PCDHA2: variants seen among roughly 807,000 people sequenced by gnomAD.
PCDHA2 encodes protocadherin alpha 2, also known as protocadherin alpha-2.
PCDHA2 carries 58 observed loss-of-function variants against 66.0 expected under a neutral mutation model. The ratio of observed to expected loss-of-function variants is 0.88; its 90% CI spans 0.71 to 1.09. The LOEUF is 1.09. Among genes scored for constraint, PCDHA2 ranks in the 50% least tolerant of loss-of-function variants. The pLI, the probability that PCDHA2 is intolerant of heterozygous loss-of-function variation, is 0.00. For missense variants in PCDHA2, 1,267 were observed against 1,242.3 expected (o/e 1.02, Z -0.30); for synonymous variants, 634 against 554.0 (o/e 1.14, Z -2.03).
intron 1 of PCDHA2, among the ~76,000 whole-genome samples, chr5:140,939,692 A>T (rs2092437980): frequency 6.6e-6 from 1 of 152,222 alleles, no homozygotes; most frequent in African/African-American, 2.4e-5. Context: ...GTGTTGCTGG[A>T]CATTATCATT....
rs2150126846 is a variant in PCDHA2, at chr5:140,823,554, G to A, written c.2388+26202G>A. The stretch of plus-strand genomic sequence containing the variant: ...GTGCGGGCCACGTGGTGGCGAAGGT[G>A]CGCGCAGTGGACCCTGATTCGGGCT... On this transcript the variant is annotated intron_variant, in intron 1 of 3. Coordinates refer to ENST00000526136, the MANE Select transcript of PCDHA2 (RefSeq NM_018905.3). 17,400 of 1,613,832 alleles carry A rather than the reference G, an allele frequency of 0.011. 1,609 individuals are homozygous for A. The African/African-American group carries it at 0.2, about 19-fold the overall frequency.
At chr5:140,801,985 C>T (rs994082843) in intron 1 of PCDHA2, 20 of 1,614,050 alleles carry the variant, frequency 1.2e-5, no homozygotes, top group Admixed American at 6.7e-5. Flanking sequence ...CTAGTGGTGA[C>T]CGTTAACGCC....
chr5:141,001,245 C>G (rs1554258043), intron 3 of PCDHA2, among the ~76,000 whole-genome samples: 2 of 152,082 alleles, frequency 1.3e-5, no homozygotes, highest in Non-Finnish European at 2.9e-5. Context: ...TAAATCAACC[C>G]TATGGGGCGG....
Position 140,848,412 on chromosome 5 carries a change from A to G in PCDHA2, c.2388+51060A>G. ...CTCTGTGCTGAACGATGGCGAACAC[A>G]GCAGAATGGGACTGACGAAATCAGA... On this transcript the variant is annotated intron_variant, in intron 1 of 3. Coordinates refer to ENST00000526136, the MANE Select transcript of PCDHA2 (RefSeq NM_018905.3). 2 of 1,379,818 alleles carry G rather than the reference A, an allele frequency of 1.4e-6. 1 individual carries two copies. Among genetic ancestry groups the G allele is most frequent in the Non-Finnish European group, 2.0e-6 (2 of 1,001,964 alleles). 85.5% of individuals were successfully genotyped at this position (1,379,818 alleles called of 1,614,324 possible).
At chr5:140,967,102 G>A (rs1279026258) in intron 1 of PCDHA2, 1 of 1,612,978 alleles carries the variant, frequency 6.2e-7, no homozygotes, top group African/African-American at 1.3e-5. Context: ...CGCTGTGTGA[G>A]CAGCGGCCTC....
At chr5:140,835,828 C>T (rs2150246076) in intron 1 of PCDHA2, 2 of 1,612,490 alleles carry the variant, frequency 1.2e-6, no homozygotes, top group South Asian at 1.1e-5. Context: ...GCGGGGGACG[C>T]GGACGCGCAG....
In PCDHA2 at chr5:141,010,127, T is replaced by A. The variant is rs1419190844; in HGVS notation, c.*190T>A. On this transcript the variant is annotated 3_prime_UTR_variant, in exon 4 of 4. Transcript: ENST00000526136. ...TTTGTCGTAAAAGCTTTACTAAGTC[T>A]GGTGTTAACTCTTTCTCTCCACTCT... The A allele has an allele frequency of 1.9e-6, 3 of 1,602,472 alleles. No individual in the cohort carries two copies. Among genetic ancestry groups the A allele is most frequent in the Non-Finnish European group, 2.6e-6 (3 of 1,173,756 alleles).
chr5:140,830,232 C>G (rs782042680), intron 1 of PCDHA2: 1 of 1,613,810 alleles, frequency 6.2e-7, no homozygotes, highest in African/African-American at 1.3e-5. Context: ...CTGGTCCTCA[C>G]GCTACTGCTG....
chr5:140,875,987 TA>T (rs1165213326), intron 1 of PCDHA2: 1 of 1,613,914 alleles, frequency 6.2e-7, no homozygotes, highest in East Asian at 2.2e-5. Context: ...ACCTATGCGT[TA>T]AGTCTAAATG....
At chr5:141,001,896 C>T (rs2098042458) in intron 3 of PCDHA2, among the ~76,000 whole-genome samples, 1 of 152,142 alleles carries the variant, frequency 6.6e-6, no homozygotes, top group Admixed American at 6.5e-5. Flanking sequence ...GAAATCGGGG[C>T]TGTTTGAAAA....
At chr5:140,868,202 A>C (rs1401388364) in intron 1 of PCDHA2, 1 of 152,188 alleles carries the variant, frequency 6.6e-6, no homozygotes, top group Non-Finnish European at 1.5e-5. Flanking sequence ...GGCTTACATT[A>C]GAAATAATAT....
intron 1 of PCDHA2, chr5:140,843,096 C>A (rs2150352451): frequency 1.9e-6 from 3 of 1,595,484 alleles, no homozygotes; most frequent in Non-Finnish European, 2.6e-6. Context: ...CACGTGGTAG[C>A]GAAGGTGCGC....
chr5:140,874,321 T>C (rs1476462736), intron 1 of PCDHA2, among the ~76,000 whole-genome samples: 2 of 151,726 alleles, frequency 1.3e-5, no homozygotes, highest in Non-Finnish European at 2.9e-5. Flanking sequence ...TGTAGGATCT[T>C]ATCTGTTTTT....
At chr5:140,980,948 G>C (rs72802987) in intron 2 of PCDHA2, among the ~76,000 whole-genome samples, 1 of 152,206 alleles carries the variant, frequency 6.6e-6, no homozygotes, top group Non-Finnish European at 1.5e-5. Flanking sequence ...CTGGCTCCAG[G>C]ATAGTTACAC....
rs571215806 is a variant in PCDHA2, at chr5:140,940,454, G to T, written c.2389-38495G>T. Among the ~76,000 whole-genome samples, 18 of 151,694 alleles carry T rather than the reference G, an allele frequency of 1.2e-4. No homozygotes were observed. The East Asian group carries it at 3.3e-3, about 28-fold the overall frequency. On this transcript the variant is annotated intron_variant, in intron 1 of 3. Coordinates refer to ENST00000526136, the MANE Select transcript of PCDHA2 (RefSeq NM_018905.3). ...AAGTCTGCCATGATATTTTTTATAGGTTTCTGTTCCCTGCAATTTTTTTTT... is the reference window on the plus strand; with the variant it reads ...AAGTCTGCCATGATATTTTTTATAGTTTTCTGTTCCCTGCAATTTTTTTTT...
In PCDHA2 at chr5:141,009,994, C is replaced by T; in HGVS notation, c.*57C>T. 1.3e-6 allele frequency: 2 copies of T among 1,577,076 alleles called. No individual in the cohort carries two copies. Among genetic ancestry groups the T allele is most frequent in the South Asian group, 1.2e-5 (1 of 83,074 alleles). On this transcript the variant is annotated 3_prime_UTR_variant, in exon 4 of 4. Transcript: ENST00000526136. Reference sequence around the variant, plus strand: ...GTTTTTGTAATAATGGCAAATCTCTCCCATGTAGCAATTCCCTGCTCCTTT... The same window carrying T: ...GTTTTTGTAATAATGGCAAATCTCTTCCATGTAGCAATTCCCTGCTCCTTT...
intron 1 of PCDHA2, chr5:140,851,137 A>G (rs2041971194): frequency 2.3e-6 from 3 of 1,313,646 alleles, no homozygotes; most frequent in South Asian, 2.5e-5. Flanking sequence ...TTGTGATTAA[A>G]GTGACATTGA....
intron 1 of PCDHA2, chr5:140,836,956 T>C (rs1363599144): frequency 2.4e-6 from 1 of 416,414 alleles, no homozygotes; most frequent in Non-Finnish European, 4.2e-6. Flanking sequence ...CTATGGTTTA[T>C]GTTGGCTACT....
rs1291498310 is a variant in PCDHA2, at chr5:140,946,680, G to A, written c.2389-32269G>A. Among the ~76,000 whole-genome samples, 6 of 145,092 alleles carry A rather than the reference G, an allele frequency of 4.1e-5. No homozygotes were observed. In the East Asian group the frequency reaches 9.9e-4, roughly 24 times the overall value. On this transcript the variant is annotated intron_variant, in intron 1 of 3. Coordinates refer to ENST00000526136, the MANE Select transcript of PCDHA2 (RefSeq NM_018905.3). ...TAGAAAGAATGAAATCCTGTCATTCGTGACAATATGGATGAATCTGGAGGT... is the reference window on the plus strand; with the variant it reads ...TAGAAAGAATGAAATCCTGTCATTCATGACAATATGGATGAATCTGGAGGT...
Sources: allele counts gnomAD v4.1 joint callset (sites outside exome capture counted in the v4.1 genomes callset), GRCh38; gene constraint gnomAD v4.1.1; transcripts MANE v1.5; gene names NCBI Gene and HGNC (gene_info 2026-07-23, HGNC 2026-07-21).